RNF175: variants seen among roughly 807,000 people sequenced by gnomAD.
RNF175 encodes ring finger protein 175.
RNF175 carries 38 observed loss-of-function variants against 50.0 expected under a neutral mutation model. That is an observed-to-expected ratio of 0.76 (90% CI 0.59 to 1.00). The LOEUF is 1.00. Ranked by LOEUF, RNF175 falls within the 50% of genes least tolerant of loss-of-function variation. The probability of loss-of-function intolerance (pLI) is 0.00; values close to 1 mark genes in which losing one functional copy is unlikely to be tolerated. For missense variants in RNF175, 388 were observed against 409.6 expected (o/e 0.95, Z 0.46); for synonymous variants, 155 against 146.1 (o/e 1.06, Z -0.44).
intron 3 of RNF175, among the ~76,000 whole-genome samples, chr4:153,737,814 C>T (rs1739428276): frequency 6.6e-6 from 1 of 152,142 alleles, no homozygotes; most frequent in African/African-American, 2.4e-5. Flanking sequence ...TCATTTAGAG[C>T]AAGCTGATGA....
chr4:153,746,597 C>T (rs917800175), intron 3 of RNF175, among the ~76,000 whole-genome samples: 2 of 152,072 alleles, frequency 1.3e-5, no homozygotes, highest in South Asian at 4.1e-4. Context: ...CTCTCCGAGG[C>T]TGGAGTTGCA....
chr4:153,732,064 T>C lies in RNF175; in HGVS notation c.247-3703A>G, dbSNP rs1364361695. 2.0e-5 allele frequency among the ~76,000 whole-genome samples: 3 copies of C among 152,066 alleles called. No individual in the cohort carries two copies. In the East Asian group the frequency reaches 5.8e-4, roughly 29 times the overall value. On this transcript the variant is annotated intron_variant, in intron 3 of 8. Coordinates refer to ENST00000347063, the MANE Select transcript of RNF175 (RefSeq NM_173662.4). ...CTGGGCAACATGGTGAAACCCCATC[T>C]CTACTAAAAATACAAAAATTAGCTG...
At chr4:153,753,065 A>G (rs1740374850) in intron 1 of RNF175, among the ~76,000 whole-genome samples, 1 of 152,208 alleles carries the variant, frequency 6.6e-6, no homozygotes, top group African/African-American at 2.4e-5. Flanking sequence ...AAGGAGAATG[A>G]GAGAGGAGTC....
intron 4 of RNF175, among the ~76,000 whole-genome samples, chr4:153,725,871 C>G (rs1050073530): frequency 1.3e-5 from 2 of 152,214 alleles, no homozygotes; most frequent in Non-Finnish European, 2.9e-5. Context: ...CCCACTTCTC[C>G]TGCCATTTTC....
intron 1 of RNF175, among the ~76,000 whole-genome samples, chr4:153,756,947 G>A (rs1451360657): frequency 6.6e-6 from 1 of 152,164 alleles, no homozygotes; most frequent in Non-Finnish European, 1.5e-5. Flanking sequence ...TCTTCAAACA[G>A]TAAGAGTGTT....
At chr4:153,712,616 G>T in intron 7 of RNF175, 40 bp from the exon 8 acceptor site, 1 of 1,309,410 alleles carries the variant, frequency 7.6e-7, no homozygotes, top group Non-Finnish European at 1.1e-6. Flanking sequence ...ATATGAAAAG[G>T]CAATGTCTGG....
chr4:153,730,803 A>G (rs537584294), intron 3 of RNF175, among the ~76,000 whole-genome samples: 58 of 152,348 alleles, frequency 3.8e-4, no homozygotes, highest in Non-Finnish European at 6.3e-4. Flanking sequence ...CTTCTAATCC[A>G]TGGAGTTACA....
chr4:153,752,132 T>G (rs565379549), intron 1 of RNF175, among the ~76,000 whole-genome samples: 28 of 152,204 alleles, frequency 1.8e-4, no homozygotes, highest in Non-Finnish European at 3.4e-4. Context: ...TTTTCTAGAT[T>G]ATTGCTAACC....
intron 7 of RNF175, 96 bp downstream of exon 7, chr4:153,715,433 A>C (rs1480342054): frequency 8.0e-7 from 1 of 1,243,330 alleles, no homozygotes; most frequent in East Asian, 2.5e-5. Context: ...ATGGAAGGTA[A>C]GCAAGATGGA....
At chr4:153,722,695 G>T (rs544239223) in intron 5 of RNF175, among the ~76,000 whole-genome samples, 1 of 151,836 alleles carries the variant, frequency 6.6e-6, no homozygotes, top group South Asian at 2.1e-4. Context: ...AAATTCAAGA[G>T]AGAAGTGCTG....
At chr4:153,728,704 T>A (rs778931884) in intron 3 of RNF175, among the ~76,000 whole-genome samples, 5 of 152,200 alleles carry the variant, frequency 3.3e-5, no homozygotes, top group Admixed American at 3.3e-4. Context: ...GGGGTACAGA[T>A]GCTTGCACTG....
At position 153,759,776 on chromosome 4, in the gene RNF175, C is replaced by T. The variant is rs562282053; in HGVS notation, c.66+21G>A. 80 of 1,461,452 alleles carry T rather than the reference C, an allele frequency of 5.5e-5. 1 individual carries two copies. In the East Asian group the frequency reaches 2.1e-3, roughly 39 times the overall value. The allele number at this position is 1,461,452 out of a possible 1,614,324, so 90.5% of individuals were successfully genotyped here. A position where few individuals can be genotyped will look rare whatever the true frequency, so the allele number is the denominator to read the frequency against. ...GGACCCCGGCCTGGCGTCCCCCACG[C>T]CCGCGCCCCCGCGCCAGTACCTGCT... On this transcript the variant is annotated intron_variant, in intron 1 of 8. Transcript: ENST00000347063.
chr4:153,715,653 C>T lies in RNF175; in HGVS notation c.640G>A (p.Val214Ile). ...AAGCTCCTTGTAGGCAACCGGCTGA[C>T]ACTGTAGAACTATCAGAGGAAATGG... Reference protein sequence around the residue: ...YMASTIGFYSVSRLPTRSLSD... With the variant: ...YMASTIGFYSISRLPTRSLSD... Residue 214 changes from valine to isoleucine, a missense_variant, in exon 7 of 9, where the codon GTC becomes ATC. By Grantham distance (29) the Val-to-Ile change is conservative. Transcript: ENST00000347063. The T allele has an allele frequency of 6.2e-7, 1 of 1,613,682 alleles. No homozygotes were observed. Among genetic ancestry groups the T allele is most frequent in the South Asian group, 1.1e-5 (1 of 91,048 alleles).
chr4:153,758,668 C>T (rs537816423), intron 1 of RNF175, among the ~76,000 whole-genome samples: 1 of 152,242 alleles, frequency 6.6e-6, no homozygotes, highest in South Asian at 2.1e-4. Flanking sequence ...CACAGCCTAG[C>T]CCACCCTTAT....
intron 1 of RNF175, among the ~76,000 whole-genome samples, chr4:153,758,464 CAG>C (rs1464521297): frequency 6.6e-6 from 1 of 152,178 alleles, no homozygotes; most frequent in East Asian, 1.9e-4. Context: ...CTGAGGGCAG[CAG>C]ACTAGGCAGT....
chr4:153,742,764 TATC>T (rs1387502588), intron 3 of RNF175, among the ~76,000 whole-genome samples: 4 of 151,568 alleles, frequency 2.6e-5, no homozygotes, highest in Non-Finnish European at 5.9e-5. Context: ...AGAAAGCACT[TATC>T]ATAGCTGTAA....
At chr4:153,748,884 T>C (rs887168522) in intron 2 of RNF175, 98 bp from the exon 3 acceptor site, 3 of 1,230,658 alleles carry the variant, frequency 2.4e-6, no homozygotes, top group African/African-American at 3.1e-5. Context: ...AAAAACAGGT[T>C]TGGCTTACAA....
chr4:153,746,294 A>G (rs72731673), intron 3 of RNF175, among the ~76,000 whole-genome samples: 26,846 of 152,176 alleles, frequency 0.18, 3,070 homozygotes, highest in Non-Finnish European at 0.25. Context: ...ACTTGAGGAT[A>G]CTCTTCTTTG....
chr4:153,721,590 A>G (rs983524097), intron 5 of RNF175, among the ~76,000 whole-genome samples: 1 of 152,202 alleles, frequency 6.6e-6, no homozygotes, highest in Non-Finnish European at 1.5e-5. Flanking sequence ...ATTGATAAAA[A>G]GTACAGTAAC....
Sources: gnomAD v4.1 joint callset for allele counts (sites outside exome capture counted in the v4.1 genomes callset) on GRCh38, gnomAD v4.1.1 for gene constraint, MANE v1.5 for transcripts, NCBI Gene and HGNC (gene_info 2026-07-23, HGNC 2026-07-21) for gene names.